Variants in GABRR1 observed in about 807,000 individuals in gnomAD.
GABRR1 encodes gamma-aminobutyric acid type A receptor subunit rho1.
In GABRR1, 59 loss-of-function variants were observed where a neutral mutation model predicts 55.5. That is an observed-to-expected ratio of 1.06 (90% CI 0.86 to 1.32). The LOEUF is 1.32. Ranked by LOEUF, GABRR1 falls within the 40% of genes most tolerant of loss-of-function variation. The pLI, the probability that GABRR1 is intolerant of heterozygous loss-of-function variation, is 0.00. For missense variants in GABRR1, 602 were observed against 619.1 expected, an observed-to-expected ratio of 0.97 and a Z score of 0.29; for synonymous variants, 213 against 226.0, an observed-to-expected ratio of 0.94 and a Z score of 0.51.
chr6:89,214,166 T>C (rs1772914319), intron 1 of GABRR1, among the ~76,000 whole-genome samples: 1 of 96,446 alleles, frequency 1.0e-5, no homozygotes, highest in African/African-American at 4.2e-5. Context: ...TGAGTCTTGT[T>C]ACTGATCTTA....
chr6:89,203,594 G>T, intron 1 of GABRR1, 109 bp from the exon 2 acceptor site: 1 of 825,160 alleles, frequency 1.2e-6, no homozygotes, highest in Non-Finnish European at 2.0e-6. Context: ...AGAATAAAAT[G>T]TAAAAGAAGA....
intron 6 of GABRR1, among the ~76,000 whole-genome samples, chr6:89,188,699 T>C (rs1771990140): frequency 6.6e-6 from 1 of 152,216 alleles, no homozygotes; most frequent in Non-Finnish European, 1.5e-5. Flanking sequence ...ATTATCAATA[T>C]ATTCTCCCAT....
Position 89,186,486 on chromosome 6 carries a change from G to A in GABRR1, c.656-1036C>T, listed in dbSNP as rs78389969. Among the ~76,000 whole-genome samples, 625 of 151,798 alleles carry A rather than the reference G, an allele frequency of 4.1e-3. 5 individuals carry two copies. Among genetic ancestry groups the A allele is most frequent in the Admixed American group, 0.013 (199 of 15,282 alleles). ...GCCCCTCCTGCACTCCTGATGGCCC[G>A]CCCTGCAGATGTGGGACTCTTAGCC... is the stretch of plus-strand genomic sequence containing the variant. On this transcript the variant is annotated intron_variant, in intron 6 of 9. Transcript: ENST00000454853.
chr6:89,194,736 G>A (rs572631666), intron 5 of GABRR1, among the ~76,000 whole-genome samples: 67 of 152,044 alleles, frequency 4.4e-4, no homozygotes, highest in Admixed American at 3.9e-4. Context: ...TACATTTGCC[G>A]AACTGAAGAA....
chr6:89,199,666 G>A (rs1772403272), intron 3 of GABRR1, among the ~76,000 whole-genome samples: 2 of 152,276 alleles, frequency 1.3e-5, no homozygotes, highest in Non-Finnish European at 2.9e-5. Context: ...CTCATCTGAA[G>A]GTATGATGAA....
chr6:89,190,045 C>G (rs1350363217), intron 6 of GABRR1, 120 bp downstream of exon 6: 1 of 426,186 alleles, frequency 2.3e-6, no homozygotes, highest in Non-Finnish European at 3.9e-6. Context: ...GACTCCATCT[C>G]AAAAAAAAAA....
chr6:89,217,339 A>G lies in GABRR1; in HGVS notation c.-17T>C. On this transcript the variant is annotated 5_prime_UTR_variant, in exon 1 of 10. Transcript: ENST00000454853. ...AGCCAACATGGGTTTCCAAATTCAAACAGCTCTCTCCAGAAACAGCAAAAA... is the reference window on the plus strand; with the variant it reads ...AGCCAACATGGGTTTCCAAATTCAAGCAGCTCTCTCCAGAAACAGCAAAAA... 6.2e-7 allele frequency: 1 copy of G among 1,613,680 alleles called. No individual in the cohort carries two copies.
intron 1 of GABRR1, among the ~76,000 whole-genome samples, chr6:89,216,627 G>A (rs569384057): frequency 1.3e-5 from 2 of 152,342 alleles, no homozygotes; most frequent in South Asian, 4.1e-4. Flanking sequence ...AGGGCACCAT[G>A]CACCTTTGGT....
chr6:89,213,164 C>A (rs998193243), intron 1 of GABRR1, among the ~76,000 whole-genome samples: 1 of 152,046 alleles, frequency 6.6e-6, no homozygotes, highest in Non-Finnish European at 1.5e-5. Context: ...ATGTAAAGAG[C>A]CAGTCACTCT....
intron 7 of GABRR1, among the ~76,000 whole-genome samples, chr6:89,185,021 AC>A (rs1258322023): frequency 6.6e-6 from 1 of 151,334 alleles, no homozygotes; most frequent in African/African-American, 2.4e-5. Context: ...GATAGCTGGG[AC>A]TACAGGCGTG....
upstream of GABRR1, among the ~76,000 whole-genome samples, chr6:89,219,123 C>T (rs1377076435): frequency 2.0e-5 from 3 of 151,950 alleles, no homozygotes; most frequent in Non-Finnish European, 4.4e-5. Context: ...AAAATTACCT[C>T]GGTGTGGTGG....
chr6:89,192,549 C>A (rs1168039516), intron 5 of GABRR1, among the ~76,000 whole-genome samples: 1 of 143,000 alleles, frequency 7.0e-6, no homozygotes, highest in African/African-American at 2.8e-5. Context: ...TCTTCTTCCT[C>A]TTCTTCTTCT....
chr6:89,187,398 G>C (rs1315984705), intron 6 of GABRR1, among the ~76,000 whole-genome samples: 1 of 152,092 alleles, frequency 6.6e-6, no homozygotes, highest in Non-Finnish European at 1.5e-5. Flanking sequence ...TCTTATGGTA[G>C]GATACATCAT....
At chr6:89,199,212 A>C (rs1392072612) in intron 4 of GABRR1, 150 bp downstream of exon 4, 1 of 723,664 alleles carries the variant, frequency 1.4e-6, no homozygotes, top group Non-Finnish European at 2.5e-6. Context: ...GCTTTGGGCA[A>C]ATCTTCCTGA....
rs575574465 is a variant in GABRR1, at chr6:89,202,360, C to T, written c.173+1075G>A. Among the ~76,000 whole-genome samples, 50 of 151,546 alleles carry T rather than the reference C, an allele frequency of 3.3e-4. 1 individual carries two copies. The South Asian group carries it at 0.01, about 31-fold the overall frequency. On this transcript the variant is annotated intron_variant, in intron 2 of 9. Transcript: ENST00000454853. ...AGGCTGGAGTGCAGTGGTGTGATCT[C>T]GGCTCACTGCAACCTCCACCTCCCA...
chr6:89,217,410 C>A, upstream of GABRR1: 1 of 1,443,384 alleles, frequency 6.9e-7, no homozygotes, highest in East Asian at 2.5e-5. Flanking sequence ...TTGGTCTGTT[C>A]ATTATTAGAA....
chr6:89,219,875 G>A (rs1773086839), upstream of GABRR1, among the ~76,000 whole-genome samples: 1 of 152,180 alleles, frequency 6.6e-6, no homozygotes, highest in African/African-American at 2.4e-5. Context: ...TTATAGTTAT[G>A]TGAGAGTCAT....
At chr6:89,206,610 A>G (rs1772654668) in intron 1 of GABRR1, among the ~76,000 whole-genome samples, 1 of 147,598 alleles carries the variant, frequency 6.8e-6, no homozygotes, top group African/African-American at 2.5e-5. Flanking sequence ...AATAGATGAG[A>G]GACTGTACTT....
chr6:89,192,049 A>G (rs1292663502), intron 5 of GABRR1, among the ~76,000 whole-genome samples: 3 of 151,964 alleles, frequency 2.0e-5, no homozygotes, highest in Non-Finnish European at 4.4e-5. Flanking sequence ...CGAAAAAAAA[A>G]AAAAGAAAAA....
Sources: allele counts gnomAD v4.1 joint callset (sites outside exome capture counted in the v4.1 genomes callset), GRCh38; gene constraint gnomAD v4.1.1; transcripts MANE v1.5; gene names NCBI Gene and HGNC (gene_info 2026-07-23, HGNC 2026-07-21).